The following RAI14 variants were observed in gnomAD, a reference collection of about 807,000 sequenced individuals.
RAI14 encodes the protein ankycorbin.
Under a neutral mutation model 115.4 loss-of-function variants are expected in RAI14, and 45 were observed. The ratio of observed to expected loss-of-function variants is 0.39; its 90% CI spans 0.31 to 0.50. The LOEUF (loss-of-function observed/expected upper bound fraction) is 0.50, where lower values mean the gene tolerates loss of function less well. Among genes scored for constraint, RAI14 ranks in the 20% least tolerant of loss-of-function variants. The pLI, the probability that RAI14 is intolerant of heterozygous loss-of-function variation, is 0.85. For synonymous variants in RAI14, 371 were observed against 415.4 expected (o/e 0.89, Z 1.30); for missense variants, 939 against 1,131.2 (o/e 0.83, Z 2.44).
chr5:34,803,796 G>C lies in RAI14; in HGVS notation c.321+20G>C. The C allele has an allele frequency of 6.3e-7, 1 of 1,599,846 alleles. No individual in the cohort carries two copies. Among genetic ancestry groups the C allele is most frequent in the East Asian group, 2.2e-5 (1 of 44,788 alleles). Reference sequence around the variant, plus strand: ...CTTCAGGTAAGCTGGTGACAACTTAGAATTATAAATGTGTCGGTTTTACAA... The same window carrying C: ...CTTCAGGTAAGCTGGTGACAACTTACAATTATAAATGTGTCGGTTTTACAA... On this transcript the variant is annotated intron_variant, in intron 5 of 17. Transcript: ENST00000265109.
rs540338769 is a variant in RAI14, at chr5:34,711,374, G to T, written c.36+24419G>T. On this transcript the variant is annotated intron_variant, in intron 2 of 17. Transcript: ENST00000265109. The stretch of plus-strand genomic sequence containing the variant: ...AATTACAGAGAACCTTCTTAAGGGT[G>T]GGGGAAATTATAAAGAACATTCTTA... Among the ~76,000 whole-genome samples the T allele has an allele frequency of 5.5e-4, 83 of 152,272 alleles. 2 individuals are homozygous for T. The South Asian group carries it at 0.012, about 22-fold the overall frequency.
At chr5:34,689,900 CAAA>C (rs1561241117) in intron 2 of RAI14, among the ~76,000 whole-genome samples, 1 of 151,972 alleles carries the variant, frequency 6.6e-6, no homozygotes, top group Admixed American at 6.6e-5. Context: ...AAAAAACAAA[CAAA>C]AAAAGAATGT....
intron 2 of RAI14, among the ~76,000 whole-genome samples, chr5:34,755,147 T>C (rs1488405836): frequency 6.6e-6 from 1 of 151,814 alleles, no homozygotes; most frequent in Non-Finnish European, 1.5e-5. Flanking sequence ...ACTGTGTTTC[T>C]TGGGGCTTGA....
At chr5:34,783,494 C>G (rs1751918832) in intron 3 of RAI14, among the ~76,000 whole-genome samples, 1 of 152,160 alleles carries the variant, frequency 6.6e-6, no homozygotes, top group South Asian at 2.1e-4. Flanking sequence ...ATTATTTTAC[C>G]TATTTCCCAA....
chr5:34,668,302 G>A (rs759018506), intron 1 of RAI14, among the ~76,000 whole-genome samples: 10 of 151,880 alleles, frequency 6.6e-5, no homozygotes, highest in Non-Finnish European at 1.5e-4. Context: ...GCTGAGGCAT[G>A]AGAATTGCTT....
At chr5:34,796,443 A>G (rs1365822627) in intron 4 of RAI14, among the ~76,000 whole-genome samples, 3 of 151,962 alleles carry the variant, frequency 2.0e-5, no homozygotes, top group South Asian at 2.1e-4. Flanking sequence ...TTTAGAGTCC[A>G]AAAGAAGAAA....
Position 34,808,599 on chromosome 5 carries a change from T to G in RAI14, c.395T>G (p.Leu132Arg). ...CTTCCCCCAGCGGCTCAGGGCTGCC[T>G]TCAAGCTGTGCAGATTCTCTGCGAA... ...ALHYAAAQGC[L>R]QAVQILCEHK... Residue 132 changes from leucine (L) to arginine (R), a missense_variant, in exon 7 of 18, where the codon CTT becomes CGT. Leu to Arg is a moderately radical substitution (Grantham distance 102). Coordinates refer to ENST00000265109, the MANE Select transcript of RAI14 (RefSeq NM_015577.3). 3 of 1,614,216 alleles carry G rather than the reference T, an allele frequency of 1.9e-6. No individual in the cohort carries two copies. Among genetic ancestry groups the G allele is most frequent in the Non-Finnish European group, 2.5e-6 (3 of 1,180,030 alleles).
intron 2 of RAI14, among the ~76,000 whole-genome samples, chr5:34,753,909 T>C: frequency 2.4e-5 from 2 of 84,050 alleles, no homozygotes; most frequent in Admixed American, 1.5e-4. Context: ...CGAGACTCTA[T>C]CTCAAAAAAA....
intron 15 of RAI14, 72 bp from the exon 16 acceptor site, chr5:34,826,258 G>A: frequency 1.4e-6 from 2 of 1,456,996 alleles, no homozygotes; most frequent in Non-Finnish European, 1.9e-6. Context: ...TATGTTTGAG[G>A]CTTACAAATA....
intron 3 of RAI14, among the ~76,000 whole-genome samples, chr5:34,763,870 G>GT (rs1444252150): frequency 6.6e-6 from 1 of 152,112 alleles, no homozygotes; most frequent in Non-Finnish European, 1.5e-5. Flanking sequence ...TTTTGGTTTG[G>GT]TTTTTTGAGA....
At chr5:34,687,068 A>G in intron 2 of RAI14, 113 bp downstream of exon 2, 1 of 1,144,144 alleles carries the variant, frequency 8.7e-7, no homozygotes, top group Non-Finnish European at 1.3e-6. Flanking sequence ...CAGACACTCA[A>G]GTGCTCTTGG....
intron 2 of RAI14, among the ~76,000 whole-genome samples, chr5:34,720,552 A>G (rs1452791195): frequency 1.3e-5 from 2 of 151,754 alleles, no homozygotes; most frequent in Non-Finnish European, 2.9e-5. Context: ...CTGGGACTAT[A>G]GGCGCCCGCC....
In RAI14 at chr5:34,830,675, T is replaced by C. The variant is rs1415820748; in HGVS notation, c.2866-13T>C. 6.2e-7 allele frequency: 1 copy of C among 1,614,000 alleles called. No homozygotes were observed. Among genetic ancestry groups the C allele is most frequent in the Admixed American group, 1.7e-5 (1 of 60,014 alleles). ...TTAGGTTCTAATGAGTATCTTGTGTTTGAATATCCTAGGGCCAGATGGATG... is the reference window on the plus strand; with the variant it reads ...TTAGGTTCTAATGAGTATCTTGTGTCTGAATATCCTAGGGCCAGATGGATG... On this transcript the variant is annotated splice_polypyrimidine_tract_variant and intron_variant, in intron 17 of 17. Coordinates refer to ENST00000265109, the MANE Select transcript of RAI14 (RefSeq NM_015577.3).
intron 7 of RAI14, among the ~76,000 whole-genome samples, chr5:34,810,399 G>A (rs78538998): frequency 1.5e-3 from 222 of 152,248 alleles, no homozygotes; most frequent in African/African-American, 5.1e-3. Flanking sequence ...ATATGAGTTG[G>A]AGACCTAGAT....
intron 1 of RAI14, among the ~76,000 whole-genome samples, chr5:34,663,642 T>C (rs1342679071): frequency 1.3e-5 from 2 of 152,246 alleles, no homozygotes; most frequent in Non-Finnish European, 2.9e-5. Flanking sequence ...ATATTCTATG[T>C]GTCCAGTAGA....
intron 3 of RAI14, among the ~76,000 whole-genome samples, chr5:34,762,966 TG>T (rs1748873439): frequency 1.4e-5 from 2 of 138,680 alleles, no homozygotes; most frequent in African/African-American, 6.9e-5. Flanking sequence ...TGTGTGTGTG[TG>T]TGTGTGTGTA....
At position 34,812,212 on chromosome 5, in the gene RAI14, T is replaced by C. The variant is rs1324498933; in HGVS notation, c.765+4T>C. The C allele has an allele frequency of 1.3e-6, 2 of 1,581,330 alleles. No individual in the cohort carries two copies. Among genetic ancestry groups the C allele is most frequent in the African/African-American group, 1.4e-5 (1 of 73,642 alleles). On this transcript the variant is annotated splice_donor_region_variant and intron_variant, in intron 10 of 17. Transcript: ENST00000265109. Reference sequence around the variant, plus strand: ...GACCCCAACAAAACCAAAGCAGGTATTTATCTTTGGGGGAGGCTTCTATGT... The same window carrying C: ...GACCCCAACAAAACCAAAGCAGGTACTTATCTTTGGGGGAGGCTTCTATGT...
chr5:34,741,051 C>T (rs1745453994), intron 2 of RAI14, among the ~76,000 whole-genome samples: 1 of 152,140 alleles, frequency 6.6e-6, no homozygotes, highest in Admixed American at 6.5e-5. Flanking sequence ...GCTTCCAAAC[C>T]CACTTACATT....
chr5:34,808,557 G>A (rs1230467845), intron 6 of RAI14, 27 bp from the exon 7 acceptor site: 8 of 1,607,772 alleles, frequency 5.0e-6, no homozygotes, highest in Non-Finnish European at 6.8e-6. Context: ...GTGATTGGCT[G>A]TGGTATTTAT....
Sources: allele counts gnomAD v4.1 joint callset (sites outside exome capture counted in the v4.1 genomes callset), GRCh38; gene constraint gnomAD v4.1.1; transcripts MANE v1.5; gene names NCBI Gene and HGNC (gene_info 2026-07-23, HGNC 2026-07-21).